CACNA1B: variants seen among roughly 807,000 people sequenced by gnomAD.
The protein encoded by CACNA1B is calcium voltage-gated channel subunit alpha1 B.
Under a neutral mutation model 247.2 loss-of-function variants are expected in CACNA1B, and 70 were observed. The ratio of observed to expected loss-of-function variants is 0.28; its 90% confidence interval spans 0.23 to 0.35. CACNA1B has a LOEUF of 0.35. Ranked by LOEUF, CACNA1B falls within the 10% of genes least tolerant of loss-of-function variation. The pLI is 1.00. For synonymous variants in CACNA1B, 1,231 were observed against 1,294.4 expected (o/e 0.95, Z 1.05); for missense variants, 2,367 against 3,197.4 (o/e 0.74, Z 6.26).
intron 39 of CACNA1B, among the ~76,000 whole-genome samples, chr9:138,107,103 T>C (rs1273205511): frequency 1.3e-5 from 2 of 152,130 alleles, no homozygotes; most frequent in Non-Finnish European, 2.9e-5. Context: ...TCTCACCTAT[T>C]CCCATGGCTT....
chr9:137,985,578 T>G (rs746339057), intron 13 of CACNA1B, among the ~76,000 whole-genome samples: 26 of 152,188 alleles, frequency 1.7e-4, no homozygotes, highest in Non-Finnish European at 3.2e-4. Flanking sequence ...CCATGGAGGA[T>G]AGCGGGGCCT....
At chr9:138,005,129 G>C (rs552945367) in intron 15 of CACNA1B, among the ~76,000 whole-genome samples, 17 of 152,328 alleles carry the variant, frequency 1.1e-4, no homozygotes, top group Admixed American at 3.3e-4. Context: ...TTTATCCAAA[G>C]GAAAGGAAGT....
intron 32 of CACNA1B, among the ~76,000 whole-genome samples, chr9:138,071,708 C>T (rs1359704800): frequency 6.6e-6 from 1 of 152,184 alleles, no homozygotes; most frequent in African/African-American, 2.4e-5. Context: ...ACTCTCCACG[C>T]ACCTCTCGCC....
chr9:137,954,881 A>T lies in CACNA1B; in HGVS notation c.1071-817A>T, dbSNP rs60403101. ...TTGTGTGTGTGTGTGTGTGTGTGTG[A>T]GAGAGAGAGAGAGAGAGAGAGGGGG... On this transcript the variant is annotated intron_variant, in intron 7 of 46. Coordinates refer to ENST00000371372, the MANE Select transcript of CACNA1B (RefSeq NM_000718.4). The surrounding 1 kb of genome is among the most constrained non-coding windows in gnomAD (Gnocchi z 4.1). 0.25 allele frequency among the ~76,000 whole-genome samples: 31,690 copies of T among 125,020 alleles called. 4,286 individuals are homozygous for T. Among genetic ancestry groups the T allele is most frequent in the East Asian group, 0.48 (1,622 of 3,362 alleles). 82.0% of individuals were successfully genotyped at this position (125,020 alleles called of 152,430 possible).
At chr9:138,117,288 G>GA (rs79133844) in intron 42 of CACNA1B, among the ~76,000 whole-genome samples, 1 of 151,408 alleles carries the variant, frequency 6.6e-6, no homozygotes, top group African/African-American at 2.4e-5. Flanking sequence ...GTGGCTTGGG[G>GA]GGGGGGTCAG....
intron 15 of CACNA1B, among the ~76,000 whole-genome samples, chr9:138,000,162 G>T (rs113118007): frequency 6.0e-5 from 9 of 150,218 alleles, no homozygotes; most frequent in Middle Eastern, 6.8e-3. Context: ...GCAGTGGTGC[G>T]ATCTCGGCTC....
At chr9:137,925,062 G>A (rs1414142613) in intron 6 of CACNA1B, among the ~76,000 whole-genome samples, 1 of 152,248 alleles carries the variant, frequency 6.6e-6, no homozygotes, top group Non-Finnish European at 1.5e-5. Flanking sequence ...CAGCATTGCA[G>A]TGTTGGGAGC....
intron 3 of CACNA1B, among the ~76,000 whole-genome samples, chr9:137,893,157 G>T (rs1376305464): frequency 2.0e-5 from 3 of 152,026 alleles, no homozygotes; most frequent in African/African-American, 7.2e-5. Flanking sequence ...GTGAAGGCCC[G>T]GTGCACAGCT....
chr9:137,912,961 C>G (rs904242029), intron 3 of CACNA1B, among the ~76,000 whole-genome samples: 5 of 152,132 alleles, frequency 3.3e-5, no homozygotes, highest in Non-Finnish European at 5.9e-5. Flanking sequence ...CTTCTGGATT[C>G]AGTTCCTGCC....
intron 2 of CACNA1B, among the ~76,000 whole-genome samples, chr9:137,879,737 A>G (rs1174290943): frequency 2.0e-5 from 3 of 152,192 alleles, no homozygotes; most frequent in Non-Finnish European, 2.9e-5. Context: ...CCATTGGAGC[A>G]TAGAGTCTGT....
chr9:137,920,206 T>G (rs1314010981), intron 6 of CACNA1B, among the ~76,000 whole-genome samples: 1 of 151,232 alleles, frequency 6.6e-6, no homozygotes, highest in South Asian at 2.1e-4. Flanking sequence ...GACACTTTCT[T>G]TTTTTTTTGA....
At chr9:138,000,329 A>C (rs981540782) in intron 15 of CACNA1B, among the ~76,000 whole-genome samples, 9 of 152,014 alleles carry the variant, frequency 5.9e-5, no homozygotes, top group African/African-American at 2.2e-4. Context: ...CGATCTCCTG[A>C]CCTCGTGATC....
At chr9:138,120,113 C>T (rs956593343) in intron 44 of CACNA1B, 52 bp from the exon 45 acceptor site, 6 of 1,460,098 alleles carry the variant, frequency 4.1e-6, no homozygotes, top group Non-Finnish European at 5.6e-6. Context: ...TGCCTGCATT[C>T]CCGCTGACCC....
chr9:138,120,547 C>T (rs1388568658), intron 45 of CACNA1B, 84 bp from the exon 46 acceptor site: 2 of 1,432,584 alleles, frequency 1.4e-6, no homozygotes, highest in Non-Finnish European at 1.8e-6. Context: ...CCTGGCACCA[C>T]CTGAATTCTG....
At chr9:138,114,522 CTG>C (rs1564294111) in intron 41 of CACNA1B, 32 bp downstream of exon 41, 1 of 1,118,380 alleles carries the variant, frequency 8.9e-7, no homozygotes. Context: ...TCCAGGAAAA[CTG>C]TGATGCCTCC....
At chr9:137,920,136 G>A (rs902555894) in intron 6 of CACNA1B, among the ~76,000 whole-genome samples, 4 of 152,176 alleles carry the variant, frequency 2.6e-5, no homozygotes, top group East Asian at 1.9e-4. Flanking sequence ...GCCAGCCAGC[G>A]AGAGTGGGTA....
At chr9:138,115,940 C>A in intron 42 of CACNA1B, among the ~76,000 whole-genome samples, 1 of 152,242 alleles carries the variant, frequency 6.6e-6, no homozygotes, top group African/African-American at 2.4e-5. Context: ...GTTGTACTTG[C>A]TGCCTGAGAG....
intron 3 of CACNA1B, among the ~76,000 whole-genome samples, chr9:137,897,291 C>G (rs540143302): frequency 6.6e-6 from 1 of 152,022 alleles, no homozygotes; most frequent in Admixed American, 6.6e-5. Flanking sequence ...TATAAATTTG[C>G]TTCTTAGGTT....
chr9:137,917,154 G>T lies in CACNA1B; in HGVS notation c.776-87G>T. ...TGGCTGGTTCCTGCCCACCTGCTGT[G>T]AGCTCTCCAGAGCCCAGGAATCCTG... On this transcript the variant is annotated intron_variant, in intron 5 of 46. Transcript: ENST00000371372. The surrounding 1 kb of genome is among the most constrained non-coding windows in gnomAD (Gnocchi z 5.5). 1 of 1,255,004 alleles carries T rather than the reference G, an allele frequency of 8.0e-7. No individual in the cohort carries two copies. Among genetic ancestry groups the T allele is most frequent in the South Asian group, 1.5e-5 (1 of 68,794 alleles). 77.7% of individuals were successfully genotyped at this position (1,255,004 alleles called of 1,614,324 possible).
Sources: allele counts gnomAD v4.1 joint callset (sites outside exome capture counted in the v4.1 genomes callset), GRCh38; gene constraint gnomAD v4.1.1; non-coding constraint Gnocchi (gnomAD v3.1); transcripts MANE v1.5; gene names NCBI Gene and HGNC (gene_info 2026-07-23, HGNC 2026-07-21).